UBR3: variants seen among roughly 807,000 people sequenced by gnomAD.
UBR3 encodes the protein E3 ubiquitin-protein ligase UBR3.
A neutral mutation model predicts 243.2 loss-of-function variants in UBR3; 85 were observed. The ratio of observed to expected loss-of-function variants is 0.35; its 90% confidence interval spans 0.29 to 0.42. The LOEUF (loss-of-function observed/expected upper bound fraction) is 0.42, where lower values mean the gene tolerates loss of function less well. Ranked by LOEUF, UBR3 falls within the 10% of genes least tolerant of loss-of-function variation. The pLI, the probability that UBR3 is intolerant of heterozygous loss-of-function variation, is 1.00. For synonymous variants in UBR3, 748 were observed against 799.8 expected (o/e 0.94, Z 1.09); for missense variants, 1,686 against 2,300.8 (o/e 0.73, Z 5.47).
intron 35 of UBR3, among the ~76,000 whole-genome samples, chr2:170,068,556 A>C (rs2091629221): frequency 6.6e-6 from 1 of 152,226 alleles, no homozygotes; most frequent in African/African-American, 2.4e-5. Flanking sequence ...TGAAGCTAGA[A>C]ATAGAGCAAA....
chr2:169,972,568 G>A (rs1212436917), intron 24 of UBR3, among the ~76,000 whole-genome samples: 1 of 152,176 alleles, frequency 6.6e-6, no homozygotes, highest in Non-Finnish European at 1.5e-5. Flanking sequence ...TATTCACCAT[G>A]ATCAAGTGGG....
intron 1 of UBR3, among the ~76,000 whole-genome samples, chr2:169,863,323 T>C (rs2105303799): frequency 6.6e-6 from 1 of 152,372 alleles, no homozygotes. Flanking sequence ...TTTAGTGATA[T>C]TTCATTGAGT....
At chr2:169,860,966 A>G (rs920892691) in intron 1 of UBR3, among the ~76,000 whole-genome samples, 15 of 152,198 alleles carry the variant, frequency 9.9e-5, no homozygotes, top group Admixed American at 4.6e-4. Context: ...TGTAAGTCCA[A>G]GCGTCCAAAA....
intron 29 of UBR3, among the ~76,000 whole-genome samples, chr2:170,009,537 A>C (rs916942080): frequency 1.1e-4 from 16 of 152,156 alleles, no homozygotes; most frequent in African/African-American, 3.6e-4. Context: ...TATGCAATAC[A>C]GAAGCAGTAG....
At chr2:169,990,716 TAC>T (rs147119929) in intron 25 of UBR3, among the ~76,000 whole-genome samples, 74,878 of 141,810 alleles carry the variant, frequency 0.53, 19,254 homozygotes, top group East Asian at 0.88. Context: ...AAAAAAGTTA[TAC>T]ACACACACAC....
rs141039474 is a variant in UBR3 at position 169,926,158 on chromosome 2, G to A, written c.2151+411G>A. ...GATGTGTGAGAGTTAGATAAAGACA[G>A]TGGTTGGCTTGCATGACAGGCATTT... On this transcript the variant is annotated intron_variant, in intron 14 of 38. Transcript: ENST00000272793. Among the ~76,000 whole-genome samples the A allele has an allele frequency of 8.5e-4, 130 of 152,350 alleles. 2 individuals carry two copies. Among genetic ancestry groups the A allele is most frequent in the East Asian group, 6.9e-3 (36 of 5,190 alleles).
intron 25 of UBR3, among the ~76,000 whole-genome samples, chr2:169,990,506 G>A (rs548230626): frequency 1.8e-4 from 28 of 152,066 alleles, no homozygotes; most frequent in Admixed American, 1.2e-3. Flanking sequence ...AAGTAAATCC[G>A]GAAAGAACTG....
At chr2:170,069,348 T>C (rs773090802) in intron 35 of UBR3, among the ~76,000 whole-genome samples, 13 of 152,226 alleles carry the variant, frequency 8.5e-5, no homozygotes, top group Non-Finnish European at 2.9e-5. Context: ...ATATATAGTA[T>C]ACAATATGTA....
intron 34 of UBR3, 52 bp from the exon 35 acceptor site, chr2:170,061,266 A>G (rs1205481071): frequency 6.3e-7 from 1 of 1,584,806 alleles, no homozygotes; most frequent in Non-Finnish European, 8.6e-7. Flanking sequence ...TGTAATTTTT[A>G]AAAACTCTTT....
chr2:169,878,375 A>AAAG (rs2083696579), intron 4 of UBR3, 150 bp from the exon 5 acceptor site: 21 of 721,000 alleles, frequency 2.9e-5, no homozygotes, highest in South Asian at 6.4e-5. Flanking sequence ...AAAAAAAAAA[A>AAAG]AAGTTGGACT....
intron 2 of UBR3, among the ~76,000 whole-genome samples, chr2:169,874,268 A>G (rs1335635442): frequency 2.0e-5 from 3 of 151,790 alleles, no homozygotes; most frequent in South Asian, 2.1e-4. Context: ...TCCTGGGTTC[A>G]AGTGATTCTC....
chr2:170,023,368 A>G (rs1404188329), intron 30 of UBR3, among the ~76,000 whole-genome samples: 1 of 151,960 alleles, frequency 6.6e-6, no homozygotes, highest in African/African-American at 2.4e-5. Flanking sequence ...CTTTAGGTGC[A>G]TTTTAACAGT....
chr2:169,921,981 A>C (rs1311273533), intron 11 of UBR3, among the ~76,000 whole-genome samples: 1 of 151,538 alleles, frequency 6.6e-6, no homozygotes, highest in Non-Finnish European at 1.5e-5. Context: ...ACAGTGCGAG[A>C]CTCAAAAAAA....
At position 170,057,868 on chromosome 2, in the gene UBR3, A is replaced by G. The variant is rs868340602; in HGVS notation, c.4785+2284A>G. Among the ~76,000 whole-genome samples, 5 of 152,298 alleles carry G rather than the reference A, an allele frequency of 3.3e-5. No individual in the cohort carries two copies. In the Middle Eastern group the frequency reaches 0.014, roughly 414 times the overall value. On this transcript the variant is annotated intron_variant, in intron 33 of 38. Coordinates refer to ENST00000272793, the MANE Select transcript of UBR3 (RefSeq NM_172070.4). The stretch of plus-strand genomic sequence containing the variant: ...TAGTGAAAGAAAATTAAAAATTACG[A>G]TAGTCTGTAGGTTGATTTACTACGT...
rs115709712 is a variant in UBR3, at chr2:170,065,942, C to A, written c.5019+4499C>A. Among the ~76,000 whole-genome samples, 354 of 146,738 alleles carry A rather than the reference C, an allele frequency of 2.4e-3. 3 individuals are homozygous for A. The highest frequency in any genetic ancestry group is 8.6e-3 in the African/African-American group (345 of 40,038). On this transcript the variant is annotated intron_variant, in intron 35 of 38. Coordinates refer to ENST00000272793, the MANE Select transcript of UBR3 (RefSeq NM_172070.4). ...AGGTAGTGCCCTACCCCACCCCCCG[C>A]AAAAAAAATGCTTCTACGTATCCCG...
In UBR3 at chr2:169,877,573, T is replaced by G. The variant is rs757792285; in HGVS notation, c.924T>G (p.Pro308=). Residue 308 remains proline (P), a synonymous_variant, in exon 4 of 39, where the codon CCT becomes CCG. Transcript: ENST00000272793. ...IALKSSGLTY[P]EDKLVYGVQE... is the part of the protein sequence containing the mutation. Reference sequence around the variant, plus strand: ...TAAAGAGCTCTGGACTTACATATCCTGAGGATAAGCTTGTATATGGTGTGC... The same window carrying G: ...TAAAGAGCTCTGGACTTACATATCCGGAGGATAAGCTTGTATATGGTGTGC... 6.5e-7 allele frequency: 1 copy of G among 1,549,722 alleles called. No homozygotes were observed. The highest frequency in any genetic ancestry group is 2.0e-5 in the Admixed American group (1 of 50,376).
rs2091453907 is a variant in UBR3 at position 170,061,423 on chromosome 2, G to A, written c.4999G>A (p.Glu1667Lys). The A allele has an allele frequency of 6.2e-7, 1 of 1,613,520 alleles. No individual in the cohort carries two copies. The highest frequency in any genetic ancestry group is 1.7e-5 in the Admixed American group (1 of 59,962). The change falls in exon 35 of 39, where the codon GAA becomes AAA. Residue 1667 changes from glutamate (E) to lysine (K), a missense_variant. By Grantham distance (56) the Glu-to-Lys change is moderately conservative. Around this residue, in one of 8 missense-constraint regions of UBR3, gnomAD observed 371 missense variants for 422.5 expected, o/e 0.88. Coordinates refer to ENST00000272793, the MANE Select transcript of UBR3 (RefSeq NM_172070.4). The stretch of plus-strand genomic sequence containing the variant: ...CCTTCTTCAGCACCACCTTTTTGGG[G>A]AAGATTTACCTAGCTGCCAGGTAGA... ...TSLLQHHLFG[E>K]DLPSCQEEEE...
At chr2:170,045,117 A>G (rs949672000) in intron 32 of UBR3, among the ~76,000 whole-genome samples, 2 of 152,204 alleles carry the variant, frequency 1.3e-5, no homozygotes, top group African/African-American at 4.8e-5. Flanking sequence ...TCACAGTTCC[A>G]TATGGCTGGG....
chr2:169,829,549 A>G (rs1170053099), intron 1 of UBR3, among the ~76,000 whole-genome samples: 2 of 149,214 alleles, frequency 1.3e-5, no homozygotes, highest in African/African-American at 5.0e-5. Context: ...TCAGCCTCCC[A>G]AGTAGCTGGG....
Sources: gnomAD v4.1 joint callset for allele counts (sites outside exome capture counted in the v4.1 genomes callset) on GRCh38, gnomAD v4.1.1 for gene constraint, gnomAD v4.1.1 regional missense constraint, MANE v1.5 for transcripts, NCBI Gene and HGNC (gene_info 2026-07-23, HGNC 2026-07-21) for gene names.